KCNH1: variants seen among roughly 807,000 people sequenced by gnomAD.
The protein encoded by KCNH1 is potassium voltage-gated channel subfamily H member 1, also known as voltage-gated delayed rectifier potassium channel KCNH1.
KCNH1 carries 27 observed loss-of-function variants against 69.2 expected under a neutral mutation model. The ratio of observed to expected loss-of-function variants is 0.39; its 90% CI spans 0.29 to 0.54. The LOEUF (loss-of-function observed/expected upper bound fraction) is 0.54, where lower values mean the gene tolerates loss of function less well. Among genes scored for constraint, KCNH1 ranks in the 20% least tolerant of loss-of-function variants. The pLI is 0.68. For synonymous variants in KCNH1, 456 were observed against 487.7 expected (o/e 0.93, Z 0.86); for missense variants, 798 against 1,261.6 (o/e 0.63, Z 5.57).
chr1:210,869,495 G>A (rs1364557064), intron 7 of KCNH1, among the ~76,000 whole-genome samples: 1 of 127,984 alleles, frequency 7.8e-6, no homozygotes, highest in Non-Finnish European at 1.7e-5. Flanking sequence ...GTGTGTGTGT[G>A]TGTGTGTGTG....
At chr1:210,988,252 C>G (rs1272608594) in intron 6 of KCNH1, among the ~76,000 whole-genome samples, 1 of 152,176 alleles carries the variant, frequency 6.6e-6, no homozygotes, top group Non-Finnish European at 1.5e-5. Context: ...ATGCCTCGCC[C>G]TGCTTCAGAT....
chr1:210,966,019 C>A (rs1447361751), intron 6 of KCNH1, among the ~76,000 whole-genome samples: 1 of 152,302 alleles, frequency 6.6e-6, no homozygotes, highest in Non-Finnish European at 1.5e-5. Flanking sequence ...CAGCATGGTA[C>A]TGGTACCAAA....
At chr1:210,685,459 T>A (rs936477933) in intron 10 of KCNH1, among the ~76,000 whole-genome samples, 1 of 152,138 alleles carries the variant, frequency 6.6e-6, no homozygotes, top group Admixed American at 6.5e-5. Context: ...ACCGCCAGTC[T>A]TGGGGAGGCA....
chr1:211,049,134 G>A (rs927245932), intron 5 of KCNH1, among the ~76,000 whole-genome samples: 2 of 152,130 alleles, frequency 1.3e-5, no homozygotes, highest in African/African-American at 4.8e-5. Flanking sequence ...TGGAGAGCTG[G>A]ACATGAAAAT....
chr1:210,854,859 C>G (rs998820487), intron 7 of KCNH1, among the ~76,000 whole-genome samples: 1 of 152,158 alleles, frequency 6.6e-6, no homozygotes, highest in Non-Finnish European at 1.5e-5. Flanking sequence ...CCATGGAGAT[C>G]TCATATATGT....
chr1:210,867,877 G>A (rs1177453647), intron 7 of KCNH1, among the ~76,000 whole-genome samples: 1 of 151,962 alleles, frequency 6.6e-6, no homozygotes, highest in Non-Finnish European at 1.5e-5. Context: ...ATTGCTGAGA[G>A]TATTCCCTTA....
At chr1:210,986,569 C>A (rs1240544234) in intron 6 of KCNH1, among the ~76,000 whole-genome samples, 1 of 152,082 alleles carries the variant, frequency 6.6e-6, no homozygotes, top group Non-Finnish European at 1.5e-5. Context: ...ATATGAAATT[C>A]TTGGTTGAAA....
chr1:210,735,980 G>T (rs1682870382), intron 10 of KCNH1, among the ~76,000 whole-genome samples: 1 of 151,968 alleles, frequency 6.6e-6, no homozygotes, highest in South Asian at 2.1e-4. Context: ...TATCCATTTT[G>T]CTTTCTGCTG....
intron 6 of KCNH1, among the ~76,000 whole-genome samples, chr1:210,929,443 T>A (rs1011993552): frequency 6.6e-6 from 1 of 152,094 alleles, no homozygotes; most frequent in Non-Finnish European, 1.5e-5. Context: ...ATTATCTCAA[T>A]AGACACAGAA....
At chr1:210,853,956 A>AAAAAAAAAAAAAAAAAAAAAAG (rs1685769815) in intron 7 of KCNH1, among the ~76,000 whole-genome samples, 1 of 147,490 alleles carries the variant, frequency 6.8e-6, no homozygotes, top group Non-Finnish European at 1.5e-5. Flanking sequence ...CAAAAAAAAA[A>AAAAAAAAAAAAAAAAAAAAAAG]AAAAAAAAAA....
intron 6 of KCNH1, among the ~76,000 whole-genome samples, chr1:210,990,078 A>C (rs1306711034): frequency 1.3e-5 from 2 of 152,126 alleles, no homozygotes; most frequent in African/African-American, 4.8e-5. Flanking sequence ...TATCTCCCCC[A>C]CCACATCCAA....
chr1:210,919,617 C>T lies in KCNH1; in HGVS notation c.1462+23G>A. On this transcript the variant is annotated intron_variant, in intron 7 of 10. Coordinates refer to ENST00000271751, the MANE Select transcript of KCNH1 (RefSeq NM_172362.3). This position sits in a 1 kb window ranked among gnomAD's most constrained non-coding sequence, Gnocchi z 4.2. ...AGCTAACAGAAGAGATGGCCAACCC[C>T]ACCCCAGCACTGTCATACTTACAGC... 6.3e-7 allele frequency: 1 copy of T among 1,593,018 alleles called. No individual in the cohort carries two copies. Among genetic ancestry groups the T allele is most frequent in the Non-Finnish European group, 8.6e-7 (1 of 1,166,064 alleles).
intron 10 of KCNH1, among the ~76,000 whole-genome samples, chr1:210,730,361 G>A (rs1558444313): frequency 1.3e-5 from 2 of 152,078 alleles, no homozygotes; most frequent in African/African-American, 2.4e-5. Flanking sequence ...TCAAAACATG[G>A]CTTATCTATG....
intron 5 of KCNH1, among the ~76,000 whole-genome samples, chr1:211,021,056 G>C (rs1395481081): frequency 2.6e-5 from 4 of 152,120 alleles, no homozygotes; most frequent in African/African-American, 9.7e-5. Context: ...ACTCAGAAAT[G>C]GAAAACCAAA....
chr1:211,091,260 C>T (rs978315245), intron 3 of KCNH1, among the ~76,000 whole-genome samples: 1 of 152,154 alleles, frequency 6.6e-6, no homozygotes, highest in Admixed American at 6.5e-5. Context: ...TGGCTCACTG[C>T]ATCCTCTGCC....
intron 9 of KCNH1, among the ~76,000 whole-genome samples, chr1:210,787,922 C>T (rs1684134274): frequency 6.6e-6 from 1 of 152,208 alleles, no homozygotes; most frequent in Non-Finnish European, 1.5e-5. Context: ...AGGCTGGCAT[C>T]TCTGTCTGAA....
chr1:211,073,574 A>G (rs1249521236), intron 5 of KCNH1, among the ~76,000 whole-genome samples: 1 of 152,202 alleles, frequency 6.6e-6, no homozygotes, highest in Non-Finnish European at 1.5e-5. Context: ...CAGCTAGAAA[A>G]TCCAAAAATA....
chr1:210,901,408 C>G (rs1349292395), intron 7 of KCNH1, among the ~76,000 whole-genome samples: 3 of 152,166 alleles, frequency 2.0e-5, no homozygotes, highest in African/African-American at 4.8e-5. Flanking sequence ...GACTCTGCCT[C>G]CAAGTGACTC....
intron 10 of KCNH1, among the ~76,000 whole-genome samples, chr1:210,685,830 C>T (rs1681397434): frequency 6.6e-6 from 1 of 152,152 alleles, no homozygotes; most frequent in African/African-American, 2.4e-5. Flanking sequence ...TTATAGTGCC[C>T]AACACAGAGA....
Sources: allele counts gnomAD v4.1 joint callset (sites outside exome capture counted in the v4.1 genomes callset), GRCh38; gene constraint gnomAD v4.1.1; non-coding constraint Gnocchi (gnomAD v3.1); transcripts MANE v1.5; gene names NCBI Gene and HGNC (gene_info 2026-07-23, HGNC 2026-07-21).